Variants in SHB observed in about 807,000 individuals in gnomAD.
SHB encodes SH2 domain containing adaptor protein B, also known as SH2 domain-containing adapter protein B.
A neutral mutation model predicts 52.3 loss-of-function variants in SHB; 20 were observed. That is an observed-to-expected ratio of 0.38 (90% CI 0.27 to 0.56). The LOEUF (loss-of-function observed/expected upper bound fraction) is 0.56. Among genes scored for constraint, SHB ranks in the 20% least tolerant of loss-of-function variants. SHB has a pLI of 0.71. For missense variants in SHB, 825 were observed against 723.3 expected (o/e 1.14, Z -1.61); for synonymous variants, 397 against 316.5 (o/e 1.25, Z -2.70).
chr9:37,961,546 C>T (rs1367190095), intron 3 of SHB, among the ~76,000 whole-genome samples: 1 of 152,228 alleles, frequency 6.6e-6, no homozygotes, highest in African/African-American at 2.4e-5. Context: ...TGCAACTTCC[C>T]CTACAAAACC....
At chr9:38,031,237 C>T (rs1001497216) in intron 1 of SHB, among the ~76,000 whole-genome samples, 2 of 152,200 alleles carry the variant, frequency 1.3e-5, no homozygotes, top group Non-Finnish European at 2.9e-5. Flanking sequence ...AGGAGAATCG[C>T]TTGAACCCGG....
At chr9:37,998,540 C>T (rs1820977001) in intron 2 of SHB, among the ~76,000 whole-genome samples, 1 of 152,244 alleles carries the variant, frequency 6.6e-6, no homozygotes, top group East Asian at 1.9e-4. Flanking sequence ...GCAACCTCCA[C>T]CTCCTGGGCT....
At chr9:38,001,993 C>CT (rs1376065271) in intron 2 of SHB, among the ~76,000 whole-genome samples, 1 of 151,910 alleles carries the variant, frequency 6.6e-6, no homozygotes, top group Non-Finnish European at 1.5e-5. Context: ...AGCACAGACT[C>CT]TTTTTAATGG....
chr9:37,923,196 C>G (rs954225369), intron 5 of SHB, among the ~76,000 whole-genome samples: 1 of 152,212 alleles, frequency 6.6e-6, no homozygotes, highest in South Asian at 2.1e-4. Context: ...TCATGTAACC[C>G]TCAGTGTTCC....
intron 1 of SHB, among the ~76,000 whole-genome samples, chr9:38,017,356 G>A (rs1821225543): frequency 6.6e-6 from 1 of 152,234 alleles, no homozygotes; most frequent in Non-Finnish European, 1.5e-5. Flanking sequence ...AACCACAGGA[G>A]CCTGTTCTCT....
chr9:38,058,645 C>T (rs2118184352), intron 1 of SHB, among the ~76,000 whole-genome samples: 1 of 152,264 alleles, frequency 6.6e-6, no homozygotes, highest in South Asian at 2.1e-4. Flanking sequence ...GCGAGGAAGG[C>T]CTCTTCAATG....
chr9:37,990,741 A>T (rs1820871424), intron 2 of SHB, among the ~76,000 whole-genome samples: 1 of 152,238 alleles, frequency 6.6e-6, no homozygotes, highest in Non-Finnish European at 1.5e-5. Flanking sequence ...GCCCAGAATG[A>T]AGGGACCAGA....
chr9:37,959,582 A>C (rs1377055755), intron 3 of SHB, among the ~76,000 whole-genome samples: 4 of 152,112 alleles, frequency 2.6e-5, no homozygotes, highest in Non-Finnish European at 5.9e-5. Flanking sequence ...TGCCAATATA[A>C]ATCTCTACAA....
intron 1 of SHB, among the ~76,000 whole-genome samples, chr9:38,027,759 C>T (rs995000417): frequency 1.3e-5 from 2 of 151,900 alleles, no homozygotes; most frequent in East Asian, 1.9e-4. Context: ...GTAGGCAGAG[C>T]GGCTGTTCCC....
At chr9:38,042,547 G>A (rs115380095) in intron 1 of SHB, among the ~76,000 whole-genome samples, 120 of 152,270 alleles carry the variant, frequency 7.9e-4, no homozygotes, top group African/African-American at 2.8e-3. Context: ...GGAAAGTGCC[G>A]GTGCAGGGGT....
rs750279721 is a variant in SHB at position 38,016,011 on chromosome 9, C to G, written c.838G>C (p.Glu280Gln). The change falls in exon 2 of 6, where the codon GAA becomes CAA. Residue 280 changes from glutamate to glutamine, a missense_variant and splice_region_variant. Glu to Gln is a conservative substitution (Grantham distance 29, BLOSUM62 2). Transcript: ENST00000377707. ...EPYEAQRIMT[E>Q]FQRQESVRSQ... ...GCCCCTGCGCTTCAGCTCCACTTAC[C>G]TGTCATGATCCTCTGTGCCTCATAG... 1.2e-6 allele frequency: 2 copies of G among 1,614,122 alleles called. No individual in the cohort carries two copies. Among genetic ancestry groups the G allele is most frequent in the East Asian group, 4.5e-5 (2 of 44,886 alleles).
At chr9:38,066,135 T>A (rs1018965509) in intron 1 of SHB, among the ~76,000 whole-genome samples, 1 of 152,172 alleles carries the variant, frequency 6.6e-6, no homozygotes, top group Non-Finnish European at 1.5e-5. Flanking sequence ...TATCTGGTGA[T>A]GAAAAGAGTC....
chr9:38,033,252 C>T (rs190107652), intron 1 of SHB, among the ~76,000 whole-genome samples: 1 of 152,332 alleles, frequency 6.6e-6, no homozygotes, highest in African/African-American at 2.4e-5. Flanking sequence ...AAAGCCTATG[C>T]TTTCCTAAGA....
At chr9:37,966,226 A>G (rs1820518734) in intron 3 of SHB, among the ~76,000 whole-genome samples, 1 of 152,234 alleles carries the variant, frequency 6.6e-6, no homozygotes, top group Admixed American at 6.5e-5. Flanking sequence ...GACCTCAGGG[A>G]ACTTAAAAAT....
intron 4 of SHB, 83 bp from the exon 5 acceptor site, chr9:37,948,837 G>A (rs915392744): frequency 1.8e-5 from 28 of 1,552,714 alleles, no homozygotes; most frequent in Non-Finnish European, 1.8e-5. Context: ...CTCAGCACCC[G>A]CAGAGAGCCT....
chr9:37,959,509 T>C (rs1420609087), intron 3 of SHB, among the ~76,000 whole-genome samples: 1 of 152,158 alleles, frequency 6.6e-6, no homozygotes, highest in Non-Finnish European at 1.5e-5. Context: ...AGATGAATTA[T>C]AAGTCACTTT....
intron 2 of SHB, among the ~76,000 whole-genome samples, chr9:38,014,161 C>A (rs1821180345): frequency 6.6e-6 from 1 of 152,112 alleles, no homozygotes; most frequent in African/African-American, 2.4e-5. Context: ...TCCCCCCCGC[C>A]CCAACCTCAG....
At chr9:37,943,768 G>A (rs184569660) in intron 5 of SHB, among the ~76,000 whole-genome samples, 15 of 152,218 alleles carry the variant, frequency 9.9e-5, no homozygotes, top group South Asian at 4.1e-4. Context: ...CACTCACCCC[G>A]CCTCCCTGCT....
intron 1 of SHB, among the ~76,000 whole-genome samples, chr9:38,065,710 C>G (rs1373767065): frequency 6.6e-6 from 1 of 152,180 alleles, no homozygotes; most frequent in Non-Finnish European, 1.5e-5. Context: ...CCAGAGAGAT[C>G]TTCTAAAAAA....
Sources: gnomAD v4.1 joint callset for allele counts (sites outside exome capture counted in the v4.1 genomes callset) on GRCh38, gnomAD v4.1.1 for gene constraint, MANE v1.5 for transcripts, NCBI Gene and HGNC (gene_info 2026-07-23, HGNC 2026-07-21) for gene names.